MTMR1: variants seen among roughly 807,000 people sequenced by gnomAD.
MTMR1 encodes myotubularin related protein 1.
MTMR1 carries 17 observed loss-of-function variants against 51.6 expected under a neutral mutation model. The observed-to-expected ratio is 0.33, with a 90% CI of 0.23 to 0.49. The LOEUF is 0.49. Ranked by LOEUF, MTMR1 falls within the 20% of genes least tolerant of loss-of-function variation. The pLI, the probability that MTMR1 is intolerant of heterozygous loss-of-function variation, is 0.99. For missense variants in MTMR1, 386 were observed against 526.9 expected (o/e 0.73, Z 2.62); for synonymous variants, 201 against 205.6 (o/e 0.98, Z 0.19).
intron 10 of MTMR1, among the ~76,000 whole-genome samples, chrX:150,733,445 T>C (rs782109765): frequency 4.5e-5 from 5 of 111,126 alleles, no homozygotes; most frequent in Non-Finnish European, 7.5e-5. Flanking sequence ...TTCTCTCCTG[T>C]CCTGATCCCT....
intron 15 of MTMR1, among the ~76,000 whole-genome samples, chrX:150,761,960 G>A (rs181621613): frequency 2.8e-4 from 31 of 112,466 alleles, no homozygotes; most frequent in Non-Finnish European, 3.8e-4. Context: ...GAGGCCTTGC[G>A]GTGATGCTGA....
At chrX:150,707,517 T>C (rs1387926241) in intron 2 of MTMR1, among the ~76,000 whole-genome samples, 1 of 112,422 alleles carries the variant, frequency 8.9e-6, no homozygotes, top group Admixed American at 9.4e-5. Context: ...GGAATATAAA[T>C]TAAAGTCACA....
At chrX:150,704,733 C>T (rs781931718) in intron 2 of MTMR1, among the ~76,000 whole-genome samples, 1 of 111,797 alleles carries the variant, frequency 8.9e-6, no homozygotes, top group East Asian at 2.8e-4. Flanking sequence ...AAGTAGTGCT[C>T]CTCTTCTGTT....
At chrX:150,699,413 G>A (rs2040824706) in intron 2 of MTMR1, 113 bp downstream of exon 2, 5 of 439,664 alleles carry the variant, frequency 1.1e-5, no homozygotes, top group East Asian at 8.0e-5. Flanking sequence ...CCATTTGCTC[G>A]AGAATAAGGA....
At chrX:150,737,216 G>A (rs1557417202) in intron 11 of MTMR1, 26 bp from the exon 12 acceptor site, 1 of 1,169,923 alleles carries the variant, frequency 8.5e-7, no homozygotes, top group Non-Finnish European at 1.2e-6. Context: ...ATGTAGCCTG[G>A]TCTAATGTGC....
At chrX:150,751,091 C>G (rs1196314343) in intron 14 of MTMR1, 1 of 1,096,810 alleles carries the variant, frequency 9.1e-7, no homozygotes, top group South Asian at 2.0e-5. Flanking sequence ...GTGCTAGACC[C>G]TGGACCTCCT....
intron 2 of MTMR1, among the ~76,000 whole-genome samples, chrX:150,707,101 T>C (rs2041136146): frequency 9.0e-6 from 1 of 111,670 alleles, no homozygotes; most frequent in South Asian, 3.7e-4. Context: ...TCACATCTTA[T>C]ACAAAAATTA....
intron 12 of MTMR1, among the ~76,000 whole-genome samples, chrX:150,744,024 G>T (rs782803634): frequency 8.9e-6 from 1 of 112,428 alleles, no homozygotes; most frequent in East Asian, 2.8e-4. Flanking sequence ...ACTGCTAATT[G>T]GCATCCTACG....
chrX:150,693,349 C>G (rs1456420399), upstream of MTMR1: 14 of 586,584 alleles, frequency 2.4e-5, no homozygotes, highest in African/African-American at 3.0e-4. Flanking sequence ...CTCCCGCCCC[C>G]CGACCCCCGC....
At chrX:150,731,748 C>T in intron 9 of MTMR1, 129 bp downstream of exon 9, 1 of 530,348 alleles carries the variant, frequency 1.9e-6, no homozygotes, top group Non-Finnish European at 2.8e-6. Context: ...TAAACCTGAA[C>T]ATACCTTTGA....
intron 3 of MTMR1, among the ~76,000 whole-genome samples, chrX:150,717,142 C>A (rs222349): frequency 4.6e-5 from 5 of 109,289 alleles, no homozygotes; most frequent in African/African-American, 1.7e-4. Flanking sequence ...GGCGGATCAC[C>A]AGGTCAAGAG....
intron 15 of MTMR1, among the ~76,000 whole-genome samples, chrX:150,760,020 T>A (rs1488486005): frequency 9.1e-6 from 1 of 109,510 alleles, no homozygotes; most frequent in Non-Finnish European, 1.9e-5. Flanking sequence ...CACAGGGGGT[T>A]GCTGAGCAGG....
Position 150,762,784 on chromosome X carries a change from T to C in MTMR1, c.*55T>C. The C allele has an allele frequency of 3.7e-6, 4 of 1,094,212 alleles. No individual in the cohort carries two copies. Among genetic ancestry groups the C allele is most frequent in the Non-Finnish European group, 3.6e-6 (3 of 823,534 alleles). The allele number at this position is 1,094,212 out of a possible 1,213,427, so 90.2% of individuals were successfully genotyped here. On this transcript the variant is annotated 3_prime_UTR_variant, in exon 16 of 16. Coordinates refer to ENST00000445323, the MANE Select transcript of MTMR1 (RefSeq NM_001306144.3). ...CTCCCGGTGGCTCAGGAAAGGGACC[T>C]GGCGATCACTGTTATGGCTGTAGCT...
At chrX:150,729,976 G>A (rs2042061790) in intron 6 of MTMR1, 133 bp from the exon 7 acceptor site, 1 of 322,357 alleles carries the variant, frequency 3.1e-6, no homozygotes, top group African/African-American at 2.8e-5. Flanking sequence ...TGGAGACTGT[G>A]CCGTTGGAGC....
In MTMR1 at chrX:150,762,713, T is replaced by C; in HGVS notation, c.2006T>C (p.Val669Ala). The C allele has an allele frequency of 8.5e-7, 1 of 1,175,996 alleles. No homozygotes were observed. Among genetic ancestry groups the C allele is most frequent in the Non-Finnish European group, 1.1e-6 (1 of 876,037 alleles). Reference protein sequence around the residue: ...GSSPSHSATSVHTSV With the variant: ...GSSPSHSATSAHTSV ...TCGCCCTCCCACTCCGCCACCTCCG[T>C]CCACACCTCGGTCTGATGGGCGAGG... The change falls in exon 16 of 16, where the codon GTC (valine) becomes GCC (alanine). Residue 669 changes from valine (V) to alanine (A), a missense_variant. By Grantham distance (64) the Val-to-Ala change is moderately conservative. Transcript: ENST00000445323.
At chrX:150,758,096 G>A (rs189573233) in intron 15 of MTMR1, among the ~76,000 whole-genome samples, 35 of 111,093 alleles carry the variant, frequency 3.2e-4, no homozygotes, top group Non-Finnish European at 5.3e-4. Context: ...GAAGAGGTGC[G>A]CCCCTCTGCT....
intron 2 of MTMR1, 140 bp downstream of exon 2, chrX:150,699,440 G>T (rs1161034580): frequency 7.9e-6 from 3 of 380,491 alleles, no homozygotes; most frequent in Admixed American, 5.3e-5. Context: ...GTTCTCTGTT[G>T]TTAGATCTGA....
intron 3 of MTMR1, chrX:150,713,071 T>A: frequency 1.9e-6 from 1 of 519,789 alleles, no homozygotes; most frequent in Non-Finnish European, 2.5e-6. Flanking sequence ...TTAAAAGTTT[T>A]AATCTTATTG....
chrX:150,759,936 ACAGGGCCAGATCC>A (rs1242024828), intron 15 of MTMR1, among the ~76,000 whole-genome samples: 10 of 109,329 alleles, frequency 9.1e-5, no homozygotes, highest in African/African-American at 3.3e-4. Context: ...GATGCCCCCG[ACAGGGCCAGATCC>A]CGTCTCTGGC....
Sources: allele counts gnomAD v4.1 joint callset (sites outside exome capture counted in the v4.1 genomes callset), GRCh38; gene constraint gnomAD v4.1.1; transcripts MANE v1.5; gene names NCBI Gene and HGNC (gene_info 2026-07-23, HGNC 2026-07-21).